The following TMEM267 variants were observed in gnomAD, a reference collection of about 807,000 sequenced individuals.
TMEM267 encodes transmembrane protein C5orf28.
A neutral mutation model predicts 19.3 loss-of-function variants in TMEM267; 20 were observed. The observed-to-expected ratio is 1.04, with a 90% CI of 0.73 to 1.51. The LOEUF (loss-of-function observed/expected upper bound fraction) is 1.51, where lower values mean the gene tolerates loss of function less well. Among genes scored for constraint, TMEM267 ranks in the 40% most tolerant of loss-of-function variants. The pLI is 0.00. For missense variants in TMEM267, 242 were observed against 261.9 expected (o/e 0.92, Z 0.52); for synonymous variants, 88 against 90.3 (o/e 0.97, Z 0.15).
chr5:43,445,716 G>T lies in TMEM267; in HGVS notation c.*506C>A, dbSNP rs1303393582. ...AATTTCACTCAGGATCAACATATAT[G>T]AAAATAAATACATGTTAGCATTAAC... On this transcript the variant is annotated 3_prime_UTR_variant, in exon 3 of 3. Coordinates refer to ENST00000397080, the MANE Select transcript of TMEM267 (RefSeq NM_022483.5). The T allele has an allele frequency of 6.6e-6, 1 of 152,130 alleles. No individual in the cohort carries two copies. Among genetic ancestry groups the T allele is most frequent in the African/African-American group, 2.4e-5 (1 of 41,390 alleles). The allele number at this position is 152,130 out of a possible 1,614,324, so 9.4% of individuals were successfully genotyped here. A position where few individuals can be genotyped will look rare whatever the true frequency, so the allele number is the denominator to read the frequency against.
At chr5:43,458,396 C>A (rs542784420) in intron 1 of TMEM267, among the ~76,000 whole-genome samples, 91 of 152,316 alleles carry the variant, frequency 6.0e-4, no homozygotes, top group African/African-American at 2.2e-3. Context: ...GCCACTGAAC[C>A]TGGCCTAGAA....
chr5:43,453,726 A>C lies in TMEM267; in HGVS notation c.244T>G (p.Leu82Val). The C allele has an allele frequency of 6.2e-7, 1 of 1,614,076 alleles. No individual in the cohort carries two copies. The highest frequency in any genetic ancestry group is 1.1e-5 in the South Asian group (1 of 91,084). The change falls in exon 2 of 3, where the codon TTA becomes GTA. Residue 82 changes from leucine to valine, a missense_variant. Physicochemically the swap from Leu to Val is conservative, Grantham distance 32. Transcript: ENST00000397080. The stretch of plus-strand genomic sequence containing the variant: ...ATAACAGAGGCTAAAAATCCAGCTA[A>C]AATGATTTCTCCAAAGTCAGTCTTC... ...KKKTDFGEII[L>V]AGFLASVIDV... is the part of the protein sequence containing the mutation.
intron 1 of TMEM267, among the ~76,000 whole-genome samples, chr5:43,464,956 G>A (rs1303179187): frequency 3.3e-5 from 5 of 152,168 alleles, no homozygotes; most frequent in African/African-American, 1.2e-4. Flanking sequence ...ATTGACAAAT[G>A]GGATCTAATT....
At chr5:43,478,463 C>A (rs1280146143) in intron 1 of TMEM267, among the ~76,000 whole-genome samples, 2 of 151,914 alleles carry the variant, frequency 1.3e-5, no homozygotes, top group Non-Finnish European at 2.9e-5. Flanking sequence ...ACTAGAGGAG[C>A]CCAAAAATAT....
At chr5:43,455,363 C>T (rs1309517324) in intron 1 of TMEM267, among the ~76,000 whole-genome samples, 1 of 151,592 alleles carries the variant, frequency 6.6e-6, no homozygotes, top group East Asian at 1.9e-4. Flanking sequence ...GTTGAGGCTG[C>T]AGTGGGCTGT....
intron 1 of TMEM267, among the ~76,000 whole-genome samples, chr5:43,463,538 CAATAA>C (rs1304489247): frequency 6.6e-6 from 1 of 152,158 alleles, no homozygotes; most frequent in African/African-American, 2.4e-5. Flanking sequence ...CAAAAATCCT[CAATAA>C]AATACTGGCA....
At chr5:43,452,275 A>C (rs891305120) in intron 2 of TMEM267, among the ~76,000 whole-genome samples, 2 of 152,050 alleles carry the variant, frequency 1.3e-5, no homozygotes, top group Non-Finnish European at 1.5e-5. Context: ...ATACAAAATA[A>C]TAAAATCGTG....
At chr5:43,455,348 C>T (rs1207471621) in intron 1 of TMEM267, among the ~76,000 whole-genome samples, 3 of 151,302 alleles carry the variant, frequency 2.0e-5, no homozygotes, top group East Asian at 3.9e-4. Context: ...GCTTAAGCCC[C>T]GGAGGTTGAG....
At chr5:43,450,876 C>A (rs889663180) in intron 2 of TMEM267, among the ~76,000 whole-genome samples, 2 of 151,676 alleles carry the variant, frequency 1.3e-5, no homozygotes, top group African/African-American at 4.9e-5. Flanking sequence ...CTCTTCTTGC[C>A]CAGGCTGGAG....
intron 2 of TMEM267, among the ~76,000 whole-genome samples, chr5:43,453,244 T>G (rs1487134438): frequency 6.6e-6 from 1 of 152,204 alleles, no homozygotes; most frequent in African/African-American, 2.4e-5. Context: ...GCATACTAAC[T>G]GTAAAACATA....
intron 2 of TMEM267, among the ~76,000 whole-genome samples, chr5:43,451,185 A>G (rs185736823): frequency 2.6e-5 from 4 of 152,302 alleles, no homozygotes; most frequent in Admixed American, 6.5e-5. Flanking sequence ...AATCCTCACA[A>G]CAACCCCACA....
At chr5:43,458,941 A>T (rs1308499069) in intron 1 of TMEM267, among the ~76,000 whole-genome samples, 1 of 152,070 alleles carries the variant, frequency 6.6e-6, no homozygotes, top group African/African-American at 2.4e-5. Context: ...TAAGACAAAG[A>T]GTTGGGCATT....
rs1311724741 is a variant in TMEM267, at chr5:43,483,856, G to C, written c.-109C>G. 3 of 152,266 alleles carry C rather than the reference G, an allele frequency of 2.0e-5. No homozygotes were observed. The highest frequency in any genetic ancestry group is 2.9e-5 in the Non-Finnish European group (2 of 68,126). The allele number at this position is 152,266 out of a possible 1,614,324, so 9.4% of individuals were successfully genotyped here. ...TCTGAGTTCAATCCAGCAGCAGCTC[G>C]AGCAGCGGCTCCGCCCCTCGGTCGG... On this transcript the variant is annotated 5_prime_UTR_variant, in exon 1 of 3. Transcript: ENST00000397080.
intron 1 of TMEM267, among the ~76,000 whole-genome samples, chr5:43,457,718 T>C (rs1743032220): frequency 6.6e-6 from 1 of 152,190 alleles, no homozygotes; most frequent in South Asian, 2.1e-4. Flanking sequence ...CATATCAGTT[T>C]ATAAAGTCTA....
At position 43,454,415 on chromosome 5, in the gene TMEM267, C is replaced by T. The variant is rs1355936358; in HGVS notation, c.-74-372G>A. On this transcript the variant is annotated intron_variant, in intron 1 of 2. Transcript: ENST00000397080. Reference sequence around the variant, plus strand: ...ATACTTCTGACAACAGTAATCCCTTCCTTTGGGAAAACTTTCTCACATTAA... The same window carrying T: ...ATACTTCTGACAACAGTAATCCCTTTCTTTGGGAAAACTTTCTCACATTAA... 2.6e-5 allele frequency: 4 copies of T among 153,786 alleles called. No homozygotes were observed. In the South Asian group the frequency reaches 8.2e-4, roughly 32 times the overall value. 9.5% of individuals were successfully genotyped at this position (153,786 alleles called of 1,614,324 possible).
At chr5:43,483,546 G>C (rs558169363) in intron 1 of TMEM267, among the ~76,000 whole-genome samples, 3 of 152,160 alleles carry the variant, frequency 2.0e-5, no homozygotes, top group Admixed American at 6.5e-5. Context: ...TGGGGTTCTA[G>C]GGATCTAGAA....
At chr5:43,458,361 C>G (rs1203144616) in intron 1 of TMEM267, among the ~76,000 whole-genome samples, 1 of 152,166 alleles carries the variant, frequency 6.6e-6, no homozygotes, top group East Asian at 1.9e-4. Flanking sequence ...CTCAGCCTCC[C>G]AAAGTGCTGG....
At chr5:43,460,043 A>C (rs1743167672) in intron 1 of TMEM267, among the ~76,000 whole-genome samples, 1 of 152,234 alleles carries the variant, frequency 6.6e-6, no homozygotes, top group Non-Finnish European at 1.5e-5. Context: ...AGACAGTGAC[A>C]GATCATCAGG....
chr5:43,462,289 C>G (rs1743317801), intron 1 of TMEM267, among the ~76,000 whole-genome samples: 1 of 152,166 alleles, frequency 6.6e-6, no homozygotes, highest in Non-Finnish European at 1.5e-5. Context: ...TTTCAAATAT[C>G]TGGAAAACCT....
Sources: allele counts gnomAD v4.1 joint callset (sites outside exome capture counted in the v4.1 genomes callset), GRCh38; gene constraint gnomAD v4.1.1; transcripts MANE v1.5; gene names NCBI Gene and HGNC (gene_info 2026-07-23, HGNC 2026-07-21).